Variants in SULF2 observed in about 807,000 individuals in gnomAD.
SULF2 encodes extracellular sulfatase Sulf-2.
SULF2 carries 52 observed loss-of-function variants against 107.7 expected under a neutral mutation model. The ratio of observed to expected loss-of-function variants is 0.48; its 90% CI spans 0.39 to 0.61. The LOEUF (loss-of-function observed/expected upper bound fraction) is 0.61, where lower values mean the gene tolerates loss of function less well. Among genes scored for constraint, SULF2 ranks in the 20% least tolerant of loss-of-function variants. The probability of loss-of-function intolerance (pLI) is 0.00; values close to 1 mark genes in which losing one functional copy is unlikely to be tolerated. For synonymous variants in SULF2, 460 were observed against 464.3 expected (o/e 0.99, Z 0.12); for missense variants, 993 against 1,177.3 (o/e 0.84, Z 2.29).
intron 17 of SULF2, 114 bp downstream of exon 17, chr20:47,662,956 G>A: frequency 1.7e-6 from 2 of 1,198,298 alleles, no homozygotes; most frequent in Non-Finnish European, 2.4e-6. Flanking sequence ...CACCGGCTCA[G>A]GGACTCAGTG....
chr20:47,672,943 TCTTC>T (rs2087525846), intron 10 of SULF2, among the ~76,000 whole-genome samples: 1 of 152,194 alleles, frequency 6.6e-6, no homozygotes, highest in East Asian at 1.9e-4. Flanking sequence ...TGGAGGCTTC[TCTTC>T]CTTCCCGTCT....
At position 47,742,927 on chromosome 20, in the gene SULF2, A is replaced by ATTTTTTTTTTTTTTTTTTTTTT. The variant is rs397837137; in HGVS notation, c.176-6007_176-5986dup. On this transcript the variant is annotated intron_variant, in intron 2 of 20. Coordinates refer to ENST00000688720, the MANE Select transcript of SULF2 (RefSeq NM_001387048.1). ...AGGGAGTTTCAGGATTCAAAACATG[A>ATTTTTTTTTTTTTTTTTTTTTT]TTTTTTTTTTTTTTTTTTTTTTTTT... Among the ~76,000 whole-genome samples the ATTTTTTTTTTTTTTTTTTTTTT allele has an allele frequency of 1.0e-4, 10 of 99,452 alleles. 5 individuals carry two copies. The highest frequency in any genetic ancestry group is 1.2e-4 in the Non-Finnish European group (6 of 50,786). 65.2% of individuals were successfully genotyped at this position (99,452 alleles called of 152,430 possible).
chr20:47,720,175 G>A (rs935823529), intron 3 of SULF2, among the ~76,000 whole-genome samples: 5 of 152,020 alleles, frequency 3.3e-5, no homozygotes, highest in East Asian at 1.9e-4. Flanking sequence ...GGATGGTCTC[G>A]ATCTCCTGAC....
At chr20:47,770,101 C>T (rs1316444910) in intron 1 of SULF2, among the ~76,000 whole-genome samples, 1 of 140,106 alleles carries the variant, frequency 7.1e-6, no homozygotes, top group African/African-American at 2.8e-5. Context: ...TGCTCTGTCG[C>T]CCAGGCTGGA....
chr20:47,767,232 T>C (rs116517041), intron 1 of SULF2, among the ~76,000 whole-genome samples: 54 of 152,320 alleles, frequency 3.5e-4, no homozygotes, highest in African/African-American at 1.3e-3. Context: ...TGGTTTAACA[T>C]GCACGGAGAC....
intron 5 of SULF2, among the ~76,000 whole-genome samples, chr20:47,688,819 G>A (rs1479003012): frequency 6.6e-6 from 1 of 151,896 alleles, no homozygotes; most frequent in East Asian, 1.9e-4. Context: ...CTGCTTCGAG[G>A]TCTGTCAAAA....
At chr20:47,722,950 C>A (rs540475300) in intron 3 of SULF2, among the ~76,000 whole-genome samples, 2 of 152,250 alleles carry the variant, frequency 1.3e-5, no homozygotes, top group African/African-American at 4.8e-5. Context: ...AACTGTAATG[C>A]CAGCTACTTG....
chr20:47,706,356 A>G (rs2088737689), intron 3 of SULF2, among the ~76,000 whole-genome samples: 2 of 152,128 alleles, frequency 1.3e-5, no homozygotes. Context: ...GGGACAATAT[A>G]CAGCAGAGGT....
At chr20:47,724,048 CAG>C (rs2089369560) in intron 3 of SULF2, among the ~76,000 whole-genome samples, 1 of 152,164 alleles carries the variant, frequency 6.6e-6, no homozygotes, top group African/African-American at 2.4e-5. Context: ...AGAGGCTAGG[CAG>C]CCTGAGTGCT....
intron 1 of SULF2, among the ~76,000 whole-genome samples, chr20:47,773,425 G>A (rs894740856): frequency 1.3e-5 from 2 of 152,240 alleles, no homozygotes; most frequent in Non-Finnish European, 2.9e-5. Flanking sequence ...TTCTATGAAC[G>A]GAGGAAGTAA....
chr20:47,748,207 A>G (rs562688391), intron 2 of SULF2, among the ~76,000 whole-genome samples: 2 of 151,870 alleles, frequency 1.3e-5, no homozygotes, highest in South Asian at 4.2e-4. Context: ...CCTCCCCTTC[A>G]TTCCCATGTC....
At chr20:47,752,619 T>C (rs1214297639) in intron 2 of SULF2, among the ~76,000 whole-genome samples, 2 of 149,082 alleles carry the variant, frequency 1.3e-5, no homozygotes, top group African/African-American at 4.9e-5. Flanking sequence ...AGTGTGATGG[T>C]GCGCACCTGT....
At position 47,678,495 on chromosome 20, in the gene SULF2, G is replaced by T; in HGVS notation, c.1193+181C>A. The T allele has an allele frequency of 3.3e-6, 2 of 607,176 alleles. No homozygotes were observed. The highest frequency in any genetic ancestry group is 2.2e-5 in the South Asian group (1 of 44,780). 37.6% of individuals were successfully genotyped at this position (607,176 alleles called of 1,614,324 possible). On this transcript the variant is annotated intron_variant, in intron 8 of 20. Transcript: ENST00000688720. The surrounding 1 kb of genome is among the most constrained non-coding windows in gnomAD (Gnocchi z 4.5). ...TGGCCACATTCCAGATGGGAAGACA[G>T]AATCTCGGAGAGGGGACCATGCTTC...
intron 10 of SULF2, among the ~76,000 whole-genome samples, chr20:47,675,669 A>G (rs961918228): frequency 1.3e-5 from 2 of 152,010 alleles, no homozygotes; most frequent in African/African-American, 4.8e-5. Flanking sequence ...AGCCTTTGAC[A>G]GGCAGGGCAG....
chr20:47,705,510 G>A (rs990259844), intron 3 of SULF2, among the ~76,000 whole-genome samples: 4 of 151,390 alleles, frequency 2.6e-5, no homozygotes, highest in Non-Finnish European at 5.9e-5. Context: ...CTAAAGGCCT[G>A]CACTTCTCTT....
chr20:47,684,308 C>T, intron 6 of SULF2, 123 bp downstream of exon 6: 4 of 1,083,546 alleles, frequency 3.7e-6, no homozygotes, highest in Middle Eastern at 3.1e-4. Flanking sequence ...CACATGGGGC[C>T]TCTTCATTCT....
intron 1 of SULF2, among the ~76,000 whole-genome samples, chr20:47,766,083 G>C (rs1255233100): frequency 6.6e-6 from 1 of 152,166 alleles, no homozygotes; most frequent in African/African-American, 2.4e-5. Context: ...GCAGGCAGAG[G>C]AAACAGAGAG....
At chr20:47,684,658 G>A (rs41308721) in intron 5 of SULF2, 77 bp from the exon 6 acceptor site, 83 of 1,491,782 alleles carry the variant, frequency 5.6e-5, no homozygotes, top group East Asian at 1.9e-4. Flanking sequence ...AGACCCGCCC[G>A]GATGAGCAGC....
Position 47,736,880 on chromosome 20 carries a change from T to A in SULF2, c.238A>T (p.Asn80Tyr). ...CACATGGGTGTGGTCACGAAGGCGTTGATGAAGTGCGCCCCGCCCTGCTCC... is the reference window on the plus strand; with the variant it reads ...CACATGGGTGTGGTCACGAAGGCGTAGATGAAGTGCGCCCCGCCCTGCTCC... Reference protein sequence around the residue: ...IMEQGGAHFINAFVTTPMCCP... With the variant: ...IMEQGGAHFIYAFVTTPMCCP... The change falls in exon 3 of 21, where the codon AAC (asparagine) becomes TAC (tyrosine). Residue 80 changes from asparagine to tyrosine, a missense_variant. Around this residue, in one of 3 missense-constraint regions of SULF2, gnomAD observed 388 missense variants for 449.2 expected, o/e 0.86. Transcript: ENST00000688720. 4 of 1,614,234 alleles carry A rather than the reference T, an allele frequency of 2.5e-6. 1 individual carries two copies. The highest frequency in any genetic ancestry group is 3.4e-6 in the Non-Finnish European group (4 of 1,180,026).
Sources: allele counts gnomAD v4.1 joint callset (sites outside exome capture counted in the v4.1 genomes callset), GRCh38; gene constraint gnomAD v4.1.1; regional missense constraint gnomAD v4.1.1; non-coding constraint Gnocchi (gnomAD v3.1); transcripts MANE v1.5; gene names NCBI Gene and HGNC (gene_info 2026-07-23, HGNC 2026-07-21).